Variants in CLMN observed in about 807,000 individuals in gnomAD.
CLMN encodes the protein calmin (calponin-like, transmembrane).
A neutral mutation model predicts 92.7 loss-of-function variants in CLMN; 57 were observed. The ratio of observed to expected loss-of-function variants is 0.61; its 90% confidence interval spans 0.50 to 0.77. CLMN has a LOEUF of 0.77. Ranked by LOEUF, CLMN falls within the 30% of genes least tolerant of loss-of-function variation. The pLI, the probability that CLMN is intolerant of heterozygous loss-of-function variation, is 0.00. For missense variants in CLMN, 1,158 were observed against 1,237.5 expected, an observed-to-expected ratio of 0.94 and a Z score of 0.96; for synonymous variants, 466 against 470.6, an observed-to-expected ratio of 0.99 and a Z score of 0.13.
intron 1 of CLMN, among the ~76,000 whole-genome samples, chr14:95,260,844 C>T (rs1310904796): frequency 6.6e-6 from 1 of 152,146 alleles, no homozygotes; most frequent in African/African-American, 2.4e-5. Flanking sequence ...GTATGATATT[C>T]TATGAAGTTG....
intron 1 of CLMN, among the ~76,000 whole-genome samples, chr14:95,253,714 G>T (rs1898884288): frequency 6.6e-6 from 1 of 151,456 alleles, no homozygotes; most frequent in African/African-American, 2.4e-5. Context: ...CCGGGTTCAC[G>T]CCATTCTCCT....
intron 1 of CLMN, among the ~76,000 whole-genome samples, chr14:95,313,930 A>G (rs562312336): frequency 3.9e-4 from 60 of 152,216 alleles, no homozygotes; most frequent in Non-Finnish European, 7.3e-4. Flanking sequence ...CTAGAGCTGC[A>G]GATCTGGTGA....
intron 9 of CLMN, among the ~76,000 whole-genome samples, chr14:95,200,696 GAAC>G (rs1896853913): frequency 6.6e-6 from 1 of 152,214 alleles, no homozygotes; most frequent in Non-Finnish European, 1.5e-5. Flanking sequence ...GATGAAGTGG[GAAC>G]ACAAGTGGCA....
chr14:95,286,037 G>A (rs759594461), intron 1 of CLMN, among the ~76,000 whole-genome samples: 1 of 152,190 alleles, frequency 6.6e-6, no homozygotes, highest in Non-Finnish European at 1.5e-5. Context: ...GAGTGGAGAC[G>A]AAGCAAGCTT....
Position 95,186,477 on chromosome 14 carries a change from G to T in CLMN, c.*5087C>A, listed in dbSNP as rs1896442515. On this transcript the variant is annotated 3_prime_UTR_variant, in exon 13 of 13. Transcript: ENST00000298912. Reference sequence around the variant, plus strand: ...CCCCGACCACCTGATCATCAACTATGGCAAGATACAAACTTCGACGAGGCA... The same window carrying T: ...CCCCGACCACCTGATCATCAACTATTGCAAGATACAAACTTCGACGAGGCA... 6.6e-6 allele frequency: 1 copy of T among 152,216 alleles called. No homozygotes were observed. Among genetic ancestry groups the T allele is most frequent in the South Asian group, 2.1e-4 (1 of 4,830 alleles). 9.4% of individuals were successfully genotyped at this position (152,216 alleles called of 1,614,324 possible).
chr14:95,267,797 A>T (rs1481488775), intron 1 of CLMN, among the ~76,000 whole-genome samples: 5 of 152,252 alleles, frequency 3.3e-5, no homozygotes, highest in Non-Finnish European at 4.4e-5. Context: ...ATAAATGAAT[A>T]AAGAAAATGT....
At chr14:95,241,727 A>G (rs139213425) in intron 1 of CLMN, among the ~76,000 whole-genome samples, 2 of 152,344 alleles carry the variant, frequency 1.3e-5, no homozygotes, top group Non-Finnish European at 2.9e-5. Context: ...GACAATACCA[A>G]TGCTGCAGAC....
intron 1 of CLMN, among the ~76,000 whole-genome samples, chr14:95,248,669 C>T (rs535596051): frequency 7.9e-5 from 12 of 152,132 alleles, no homozygotes; most frequent in Admixed American, 2.0e-4. Context: ...CAGATGGATG[C>T]GTGCTTTTGG....
In CLMN at chr14:95,259,086, G is replaced by A. The variant is rs957784036; in HGVS notation, c.83-28953C>T. ...TGTATGTATGTGTGATATGTGTTGT[G>A]TGTTTATGTGTGCTGTGGTGTGCTA... On this transcript the variant is annotated intron_variant, in intron 1 of 12. Transcript: ENST00000298912. The surrounding 1 kb of genome is among the most constrained non-coding windows in gnomAD (Gnocchi z 4.3). Among the ~76,000 whole-genome samples, 7 of 151,968 alleles carry A rather than the reference G, an allele frequency of 4.6e-5. No homozygotes were observed. The highest frequency in any genetic ancestry group is 1.7e-4 in the African/African-American group (7 of 41,348).
chr14:95,223,735 T>C, intron 3 of CLMN, 25 bp downstream of exon 3: 3 of 1,563,718 alleles, frequency 1.9e-6, no homozygotes, highest in Non-Finnish European at 2.6e-6. Flanking sequence ...TTTCTTTCTT[T>C]CTGACCCTTC....
Position 95,190,742 on chromosome 14 carries a change from T to TCCAGCACTGCTGGGAGCTGATTCCAGC in CLMN, c.*795_*821dup, listed in dbSNP as rs1896540467. Reference sequence around the variant, plus strand: ...GCAGGAAGCTACCCCACCACCCAGCTCCAGCACTGCTGGGAGCTGATTCCA... The same window carrying TCCAGCACTGCTGGGAGCTGATTCCAGC: ...GCAGGAAGCTACCCCACCACCCAGCTCCAGCACTGCTGGGAGCTGATTCCAGCCCAGCACTGCTGGGAGCTGATTCCA... On this transcript the variant is annotated 3_prime_UTR_variant, in exon 13 of 13. Coordinates refer to ENST00000298912, the MANE Select transcript of CLMN (RefSeq NM_024734.4). 1 of 152,172 alleles carries TCCAGCACTGCTGGGAGCTGATTCCAGC rather than the reference T, an allele frequency of 6.6e-6. No homozygotes were observed. The highest frequency in any genetic ancestry group is 2.4e-5 in the African/African-American group (1 of 41,420). The allele number at this position is 152,172 out of a possible 1,614,324, so 9.4% of individuals were successfully genotyped here. A position where few individuals can be genotyped will look rare whatever the true frequency, so the allele number is the denominator to read the frequency against.
chr14:95,275,422 A>G (rs1899887675), intron 1 of CLMN, among the ~76,000 whole-genome samples: 1 of 152,188 alleles, frequency 6.6e-6, no homozygotes, highest in Non-Finnish European at 1.5e-5. Flanking sequence ...ATAATGCATT[A>G]GTATGCTACA....
intron 1 of CLMN, among the ~76,000 whole-genome samples, chr14:95,315,140 A>C (rs1259029743): frequency 6.6e-6 from 1 of 151,756 alleles, no homozygotes; most frequent in Admixed American, 6.6e-5. Context: ...AAGGAACTGG[A>C]GGGGTGGGCT....
chr14:95,241,274 C>G (rs7157313), intron 1 of CLMN, among the ~76,000 whole-genome samples: 20,506 of 151,828 alleles, frequency 0.14, 2,407 homozygotes, highest in African/African-American at 0.31. Context: ...GACTGAAGGG[C>G]CTCCTGGGGC....
At chr14:95,193,526 C>T (rs1896613128) in intron 12 of CLMN, 1 of 735,328 alleles carries the variant, frequency 1.4e-6, no homozygotes. Flanking sequence ...CCTTTGCTAA[C>T]TACCCTATAC....
At chr14:95,224,846 T>C (rs546536779) in intron 2 of CLMN, among the ~76,000 whole-genome samples, 1 of 152,294 alleles carries the variant, frequency 6.6e-6, no homozygotes, top group Admixed American at 6.5e-5. Flanking sequence ...CCGTCATTGC[T>C]TCACCAATAT....
chr14:95,273,854 T>C (rs1899811023), intron 1 of CLMN, among the ~76,000 whole-genome samples: 1 of 152,054 alleles, frequency 6.6e-6, no homozygotes, highest in South Asian at 2.1e-4. Context: ...CCAAAGCCAA[T>C]CCTATAGATA....
chr14:95,211,346 G>T (rs1035036640), intron 6 of CLMN, among the ~76,000 whole-genome samples: 1 of 152,160 alleles, frequency 6.6e-6, no homozygotes, highest in Non-Finnish European at 1.5e-5. Context: ...GCTTTTGTGG[G>T]GAAAGTCGAG....
Position 95,213,245 on chromosome 14 carries a change from C to T in CLMN, c.582G>A (p.Leu194=), listed in dbSNP as rs1430383337. The stretch of plus-strand genomic sequence containing the variant: ...TTCTCGTTTTCCTCTGCACCCACGC[C>T]AACAGGGCCTTGATAGCCTTCCTCT... ...KDQRKAIKAL[L]AWVQRKTRKY... is the part of the protein sequence containing the mutation. Residue 194 remains leucine (L), a synonymous_variant, in exon 6 of 13, where the codon TTG becomes TTA. Transcript: ENST00000298912. 1 of 1,614,038 alleles carries T rather than the reference C, an allele frequency of 6.2e-7. No individual in the cohort carries two copies.
Sources: gnomAD v4.1 joint callset for allele counts (sites outside exome capture counted in the v4.1 genomes callset) on GRCh38, gnomAD v4.1.1 for gene constraint, Gnocchi (gnomAD v3.1) non-coding constraint, MANE v1.5 for transcripts, NCBI Gene and HGNC (gene_info 2026-07-23, HGNC 2026-07-21) for gene names.